The following SOS2 variants were observed in gnomAD, a reference collection of about 807,000 sequenced individuals.
SOS2 encodes son of sevenless homolog 2.
A neutral mutation model predicts 148.2 loss-of-function variants in SOS2; 65 were observed. The ratio of observed to expected loss-of-function variants is 0.44; its 90% CI spans 0.36 to 0.54. The LOEUF is 0.54. SOS2 is among the 20% of genes least tolerant of loss of function. The pLI, the probability that SOS2 is intolerant of heterozygous loss-of-function variation, is 0.00. For synonymous variants in SOS2, 539 were observed against 537.1 expected, an observed-to-expected ratio of 1.00 and a Z score of -0.05; for missense variants, 1,341 against 1,590.2, an observed-to-expected ratio of 0.84 and a Z score of 2.67.
At chr14:50,126,395 T>C (rs75785906) in intron 21 of SOS2, among the ~76,000 whole-genome samples, 3,132 of 152,254 alleles carry the variant, frequency 0.021, 72 homozygotes, top group Non-Finnish European at 0.026. Flanking sequence ...GGTCCAACCC[T>C]GCCCAGCCAC....
rs192663770 is a variant in SOS2 at position 50,177,135 on chromosome 14, T to C, written c.970-2583A>G. 5.4e-3 allele frequency among the ~76,000 whole-genome samples: 821 copies of C among 152,214 alleles called. 6 individuals carry two copies. Among genetic ancestry groups the C allele is most frequent in the African/African-American group, 0.019 (772 of 41,534 alleles). On this transcript the variant is annotated intron_variant, in intron 7 of 22. Coordinates refer to ENST00000216373, the MANE Select transcript of SOS2 (RefSeq NM_006939.4). ...GGTCAACAGAACAGCCTAGCCAATA[T>C]GGTGAAACTCTGTCTCTACCAAAAA...
In SOS2 at chr14:50,130,548, G is replaced by A; in HGVS notation, c.3290C>T (p.Ser1097Phe). 6.2e-7 allele frequency: 1 copy of A among 1,613,960 alleles called. No homozygotes were observed. The highest frequency in any genetic ancestry group is 8.5e-7 in the Non-Finnish European group (1 of 1,179,830). ...ATCTAAAAATACACTAAGGTCTGAA[G>A]AAGCAGATACTGGTGGAGTAGATGG... The part of the protein sequence containing the change: ...NTPSTPPVSA[S>F]SDLSVFLDVD... The change falls in exon 20 of 23, where the codon TCT becomes TTT. Residue 1097 changes from serine (S) to phenylalanine (F), a missense_variant. Ser to Phe is a radical substitution (Grantham distance 155). This residue lies in a region of SOS2 where 354 missense variants were observed against 347.7 expected (regional missense o/e 1.02). Coordinates refer to ENST00000216373, the MANE Select transcript of SOS2 (RefSeq NM_006939.4).
intron 4 of SOS2, among the ~76,000 whole-genome samples, chr14:50,199,139 T>C (rs1886403860): frequency 6.6e-6 from 1 of 152,110 alleles, no homozygotes; most frequent in Non-Finnish European, 1.5e-5. Context: ...GGTGACAAAG[T>C]GAGACCTTGT....
chr14:50,191,335 G>A (rs1050392173), intron 4 of SOS2, among the ~76,000 whole-genome samples: 3 of 152,024 alleles, frequency 2.0e-5, no homozygotes, highest in African/African-American at 7.3e-5. Context: ...CAGGTATGCT[G>A]GTAGACACCT....
At chr14:50,184,864 CAAAA>C (rs34039045) in intron 5 of SOS2, among the ~76,000 whole-genome samples, 8 of 57,126 alleles carry the variant, frequency 1.4e-4, no homozygotes, top group South Asian at 7.4e-4. Context: ...ACCCTGTCTC[CAAAA>C]AAAAAAAAAA....
At chr14:50,121,931 A>G (rs1018055113) in intron 21 of SOS2, among the ~76,000 whole-genome samples, 2 of 152,202 alleles carry the variant, frequency 1.3e-5, no homozygotes, top group African/African-American at 4.8e-5. Context: ...AATCCTGCCC[A>G]GGACACCCCA....
At chr14:50,150,928 T>A (rs1353663198) in intron 13 of SOS2, among the ~76,000 whole-genome samples, 1 of 152,186 alleles carries the variant, frequency 6.6e-6, no homozygotes, top group Non-Finnish European at 1.5e-5. Flanking sequence ...TTTCACCATG[T>A]TGGCCAGGCT....
At chr14:50,199,566 A>G in intron 4 of SOS2, 125 bp downstream of exon 4, 1 of 503,528 alleles carries the variant, frequency 2.0e-6, no homozygotes, top group Non-Finnish European at 3.4e-6. Flanking sequence ...TAAAGCCAGG[A>G]TTTTTCTCTC....
chr14:50,191,175 A>T (rs1164631362), intron 4 of SOS2, among the ~76,000 whole-genome samples: 4 of 151,406 alleles, frequency 2.6e-5, no homozygotes, highest in Admixed American at 6.6e-5. Flanking sequence ...AACTCTTAAA[A>T]CTCTCAGGGC....
intron 5 of SOS2, among the ~76,000 whole-genome samples, chr14:50,183,123 A>T (rs1885796606): frequency 6.6e-6 from 1 of 152,192 alleles, no homozygotes; most frequent in Non-Finnish European, 1.5e-5. Flanking sequence ...TTACATGTGA[A>T]TGCACTCCCA....
intron 8 of SOS2, among the ~76,000 whole-genome samples, chr14:50,169,975 G>A (rs1885307538): frequency 6.6e-6 from 1 of 151,870 alleles, no homozygotes; most frequent in Non-Finnish European, 1.5e-5. Context: ...ATCTAGGCTG[G>A]AGTGTACTGA....
intron 1 of SOS2, 45 bp downstream of exon 1, chr14:50,231,152 G>C (rs764302649): frequency 8.3e-7 from 1 of 1,208,458 alleles, no homozygotes; most frequent in East Asian, 3.1e-5. Flanking sequence ...TAGAAGCTCG[G>C]GGGGCCACGG....
At chr14:50,174,612 A>G in intron 7 of SOS2, 60 bp from the exon 8 acceptor site, 2 of 928,302 alleles carry the variant, frequency 2.2e-6, no homozygotes, top group Non-Finnish European at 3.3e-6. Context: ...ATGCAACAGC[A>G]GTGCCTAACA....
At position 50,193,869 on chromosome 14, in the gene SOS2, T is replaced by C. The variant is rs112156346; in HGVS notation, c.511-5169A>G. Among the ~76,000 whole-genome samples, 1,387 of 152,104 alleles carry C rather than the reference T, an allele frequency of 9.1e-3. 19 individuals are homozygous for C. The highest frequency in any genetic ancestry group is 0.032 in the African/African-American group (1,323 of 41,474). ...AAGCAATTCTTGTGCCTCAGCCTCC[T>C]GAGTAGCTGGGATTATAGGCAATCG... On this transcript the variant is annotated intron_variant, in intron 4 of 22. Transcript: ENST00000216373.
At chr14:50,129,870 A>T in intron 21 of SOS2, 91 bp downstream of exon 21, 1 of 750,390 alleles carries the variant, frequency 1.3e-6, no homozygotes, top group Non-Finnish European at 2.2e-6. Context: ...TTGTTCTTTA[A>T]TATTGCCAAA....
intron 21 of SOS2, among the ~76,000 whole-genome samples, chr14:50,121,374 G>C (rs1390148469): frequency 6.6e-6 from 1 of 152,048 alleles, no homozygotes; most frequent in African/African-American, 2.4e-5. Flanking sequence ...ACTGAGATTG[G>C]GAACACAGGC....
intron 4 of SOS2, among the ~76,000 whole-genome samples, chr14:50,190,287 A>G (rs1410853924): frequency 1.3e-5 from 2 of 152,238 alleles, no homozygotes; most frequent in Non-Finnish European, 2.9e-5. Context: ...AGGAAACTAC[A>G]AAAAGTAAAA....
chr14:50,187,361 T>C (rs985916284), intron 5 of SOS2, among the ~76,000 whole-genome samples: 1 of 147,468 alleles, frequency 6.8e-6, no homozygotes, highest in African/African-American at 2.5e-5. Flanking sequence ...TTTTTTTTTT[T>C]TTTTGAGAAG....
At chr14:50,142,166 C>T (rs1033576903) in intron 16 of SOS2, among the ~76,000 whole-genome samples, 1 of 151,826 alleles carries the variant, frequency 6.6e-6, no homozygotes, top group South Asian at 2.1e-4. Flanking sequence ...CGCCAGCATG[C>T]CTGGGTAATT....
Sources: gnomAD v4.1 joint callset for allele counts (sites outside exome capture counted in the v4.1 genomes callset) on GRCh38, gnomAD v4.1.1 for gene constraint, gnomAD v4.1.1 regional missense constraint, MANE v1.5 for transcripts, NCBI Gene and HGNC (gene_info 2026-07-23, HGNC 2026-07-21) for gene names.